SFTPA1: variants seen among roughly 807,000 people sequenced by gnomAD.
The protein encoded by SFTPA1 is surfactant protein A1.
In SFTPA1, 13 loss-of-function variants were observed where a neutral mutation model predicts 19.1. That is an observed-to-expected ratio of 0.68 (90% CI 0.44 to 1.08). The LOEUF (loss-of-function observed/expected upper bound fraction) is 1.08, where lower values mean the gene tolerates loss of function less well. Ranked by LOEUF, SFTPA1 falls within the 50% of genes least tolerant of loss-of-function variation. The pLI, the probability that SFTPA1 is intolerant of heterozygous loss-of-function variation, is 0.00. For synonymous variants in SFTPA1, 101 were observed against 117.0 expected, an observed-to-expected ratio of 0.86 and a Z score of 0.88; for missense variants, 259 against 316.4, an observed-to-expected ratio of 0.82 and a Z score of 1.38.
chr10:79,612,472 C>A (rs1267814880), intron 4 of SFTPA1, 41 bp downstream of exon 4: 1 of 1,602,402 alleles, frequency 6.2e-7, no homozygotes, highest in Admixed American at 1.7e-5. Context: ...AACATGGGCA[C>A]AGCGACCCTG....
At chr10:79,611,290 G>A (rs768092086) in intron 1 of SFTPA1, 29 bp from the exon 2 acceptor site, 8 of 316,710 alleles carry the variant, frequency 2.5e-5, no homozygotes, top group East Asian at 1.9e-4. Flanking sequence ...GCCAGGCTGC[G>A]GGCCCCGTTC....
chr10:79,613,066 G>A, intron 4 of SFTPA1, 123 bp from the exon 5 acceptor site: 1 of 1,586,730 alleles, frequency 6.3e-7, no homozygotes. Flanking sequence ...CTAGGGTCTG[G>A]GTGGCGCCTA....
rs913374270 is a variant in SFTPA1 at position 79,615,093 on chromosome 10, T to A, written c.*980T>A. ...AATAAGATACTTGTTGCTGTCACAG[T>A]TATTACCATCCCCCCAGCTACCAAA... On this transcript the variant is annotated 3_prime_UTR_variant, in exon 6 of 6. Coordinates refer to ENST00000398636, the MANE Select transcript of SFTPA1 (RefSeq NM_005411.5). 3.1e-6 allele frequency: 4 copies of A among 1,304,988 alleles called. No homozygotes were observed. The African/African-American group carries it at 4.6e-5, about 15-fold the overall frequency. 80.8% of individuals were successfully genotyped at this position (1,304,988 alleles called of 1,614,324 possible).
intron 4 of SFTPA1, 47 bp downstream of exon 4, chr10:79,612,478 C>T: frequency 6.2e-7 from 1 of 1,607,872 alleles, no homozygotes; most frequent in African/African-American, 1.3e-5. Context: ...GGCACAGCGA[C>T]CCTGAAGTCA....
intron 3 of SFTPA1, 135 bp from the exon 4 acceptor site, chr10:79,612,177 G>C: frequency 6.2e-7 from 1 of 1,600,426 alleles, no homozygotes; most frequent in Non-Finnish European, 8.5e-7. Context: ...ATCCTGGAGA[G>C]TCTGTCCTCA....
chr10:79,613,370 T>G, intron 5 of SFTPA1, 104 bp downstream of exon 5: 1 of 1,529,638 alleles, frequency 6.5e-7, no homozygotes, highest in Non-Finnish European at 9.1e-7. Flanking sequence ...GGCATGCACA[T>G]GCAGGTCTTG....
In SFTPA1 at chr10:79,613,920, C is replaced by T; in HGVS notation, c.554C>T (p.Ala185Val). ...TTCGTGAAGAAGTACAACACATATGCCTATGTAGGCCTGACTGAGGGTCCC... is the reference window on the plus strand; with the variant it reads ...TTCGTGAAGAAGTACAACACATATGTCTATGTAGGCCTGACTGAGGGTCCC... Reference protein sequence around the residue: ...ASFVKKYNTYAYVGLTEGPSP... With the variant: ...ASFVKKYNTYVYVGLTEGPSP... The change falls in exon 6 of 6, where the codon GCC becomes GTC. Residue 185 changes from alanine (A) to valine (V), a missense_variant. Ala to Val is a moderately conservative substitution (Grantham distance 64, BLOSUM62 0). Coordinates refer to ENST00000398636, the MANE Select transcript of SFTPA1 (RefSeq NM_005411.5). 6.2e-7 allele frequency: 1 copy of T among 1,614,022 alleles called. No homozygotes were observed. The highest frequency in any genetic ancestry group is 8.5e-7 in the Non-Finnish European group (1 of 1,179,892).
chr10:79,615,080 G>A lies in SFTPA1; in HGVS notation c.*967G>A. The A allele has an allele frequency of 7.7e-7, 1 of 1,305,116 alleles. No homozygotes were observed. The highest frequency in any genetic ancestry group is 1.0e-6 in the Non-Finnish European group (1 of 988,904). 80.8% of individuals were successfully genotyped at this position (1,305,116 alleles called of 1,614,324 possible). On this transcript the variant is annotated 3_prime_UTR_variant, in exon 6 of 6. Coordinates refer to ENST00000398636, the MANE Select transcript of SFTPA1 (RefSeq NM_005411.5). Reference sequence around the variant, plus strand: ...TCTGTGAAATGGGAATAAGATACTTGTTGCTGTCACAGTTATTACCATCCC... The same window carrying A: ...TCTGTGAAATGGGAATAAGATACTTATTGCTGTCACAGTTATTACCATCCC...
intron 5 of SFTPA1, 145 bp downstream of exon 5, chr10:79,613,411 T>C (rs1396193903): frequency 1.5e-6 from 2 of 1,349,136 alleles, no homozygotes; most frequent in Non-Finnish European, 2.1e-6. Context: ...TTTTCTGATG[T>C]CTTTGAATGG....
chr10:79,613,737 C>A lies in SFTPA1; in HGVS notation c.371C>A (p.Ala124Asp), dbSNP rs1319290172. The change falls in exon 6 of 6, where the codon GCC becomes GAC. Residue 124 changes from alanine to aspartate, a missense_variant and splice_region_variant. Coordinates refer to ENST00000398636, the MANE Select transcript of SFTPA1 (RefSeq NM_005411.5). ...FRHQILQTRG[A>D]LSLQGSIMTV... is the part of the protein sequence containing the mutation. ...CTGACCCGGACTCCTCTGCTCTCAG[C>A]CCTCAGTCTGCAGGGCTCCATAATG... 1.2e-6 allele frequency: 2 copies of A among 1,613,952 alleles called. No individual in the cohort carries two copies. The highest frequency in any genetic ancestry group is 1.7e-5 in the Admixed American group (1 of 60,020).
rs1281016807 is a variant in SFTPA1, at chr10:79,614,809, C to A, written c.*696C>A. 1 of 401,886 alleles carries A rather than the reference C, an allele frequency of 2.5e-6. No individual in the cohort carries two copies. Among genetic ancestry groups the A allele is most frequent in the Non-Finnish European group, 4.8e-6 (1 of 209,282 alleles). 24.9% of individuals were successfully genotyped at this position (401,886 alleles called of 1,614,324 possible). A position where few individuals can be genotyped will look rare whatever the true frequency, so the allele number is the denominator to read the frequency against. Reference sequence around the variant, plus strand: ...AGCCAGCCTAGGCCTCTAGGGTGACCTAGAGCCGCCTTCAGATGTGACCCG... The same window carrying A: ...AGCCAGCCTAGGCCTCTAGGGTGACATAGAGCCGCCTTCAGATGTGACCCG... On this transcript the variant is annotated 3_prime_UTR_variant, in exon 6 of 6. Transcript: ENST00000398636.
Position 79,613,918 on chromosome 10 carries a change from T to C in SFTPA1, c.552T>C (p.Tyr184=), listed in dbSNP as rs4253526. Residue 184 remains tyrosine (Y), a synonymous_variant, in exon 6 of 6, where the codon TAT becomes TAC. Coordinates refer to ENST00000398636, the MANE Select transcript of SFTPA1 (RefSeq NM_005411.5). ...GCTTCGTGAAGAAGTACAACACATATGCCTATGTAGGCCTGACTGAGGGTC... is the reference window on the plus strand; with the variant it reads ...GCTTCGTGAAGAAGTACAACACATACGCCTATGTAGGCCTGACTGAGGGTC... ...IASFVKKYNT[Y]AYVGLTEGPS... 30,379 of 1,613,958 alleles carry C rather than the reference T, an allele frequency of 0.019. 1,927 individuals carry two copies. The East Asian group carries it at 0.24, about 13-fold the overall frequency.
intron 1 of SFTPA1, 41 bp downstream of exon 1, chr10:79,611,023 G>A (rs1273592793): frequency 6.5e-6 from 1 of 153,740 alleles, no homozygotes; most frequent in Non-Finnish European, 1.4e-5. Flanking sequence ...CCAGCTTGAG[G>A]ATCGCAGGCA....
rs193017043 is a variant in SFTPA1 at position 79,613,014 on chromosome 10, C to T, written c.293-175C>T. Among the ~76,000 whole-genome samples the T allele has an allele frequency of 3.2e-4, 49 of 151,442 alleles. No individual in the cohort carries two copies. In the East Asian group the frequency reaches 8.6e-3, roughly 27 times the overall value. Reference sequence around the variant, plus strand: ...GGCTTCACTAAAGAATAGGGGACCACGGGGTGTGGAGACACACTGGAATCT... The same window carrying T: ...GGCTTCACTAAAGAATAGGGGACCATGGGGTGTGGAGACACACTGGAATCT... On this transcript the variant is annotated intron_variant, in intron 4 of 5. Coordinates refer to ENST00000398636, the MANE Select transcript of SFTPA1 (RefSeq NM_005411.5).
In SFTPA1 at chr10:79,612,956, G is replaced by GT. The variant is rs1859948849; in HGVS notation, c.293-233_293-232insT. Among the ~76,000 whole-genome samples, 5 of 149,692 alleles carry GT rather than the reference G, an allele frequency of 3.3e-5. No homozygotes were observed. The South Asian group carries it at 1.1e-3, about 32-fold the overall frequency. ...ACCCCTCGAGGGACAGAGCAGGAAAGAGGACAAGGGGTGGGGGTCTCAGCA... is the reference window on the plus strand; with the variant it reads ...ACCCCTCGAGGGACAGAGCAGGAAAGTAGGACAAGGGGTGGGGGTCTCAGCA... On this transcript the variant is annotated intron_variant, in intron 4 of 5. Transcript: ENST00000398636.
In SFTPA1 at chr10:79,614,620, C is replaced by G. The variant is rs1860060896; in HGVS notation, c.*507C>G. Reference sequence around the variant, plus strand: ...GAGCTAAGGACACAGTGGAGATTCTCTGGCACTCTGAGGTCTCTGTGGCAG... The same window carrying G: ...GAGCTAAGGACACAGTGGAGATTCTGTGGCACTCTGAGGTCTCTGTGGCAG... On this transcript the variant is annotated 3_prime_UTR_variant, in exon 6 of 6. Transcript: ENST00000398636. 4.0e-6 allele frequency: 1 copy of G among 250,770 alleles called. No homozygotes were observed. Among genetic ancestry groups the G allele is most frequent in the Admixed American group, 5.1e-5 (1 of 19,612 alleles). The allele number at this position is 250,770 out of a possible 1,614,324, so 15.5% of individuals were successfully genotyped here.
chr10:79,613,886 A>G lies in SFTPA1; in HGVS notation c.520A>G (p.Ile174Val). The change falls in exon 6 of 6, where the codon ATT becomes GTT. Residue 174 changes from isoleucine (I) to valine (V), a missense_variant. Ile to Val is a conservative substitution (Grantham distance 29). Transcript: ENST00000398636. The part of the protein sequence containing the change: ...VPRNPEENEA[I>V]ASFVKKYNTY... ...AAGGAATCCAGAGGAAAATGAGGCC[A>G]TTGCAAGCTTCGTGAAGAAGTACAA... 6.2e-7 allele frequency: 1 copy of G among 1,613,992 alleles called. No individual in the cohort carries two copies. The highest frequency in any genetic ancestry group is 8.5e-7 in the Non-Finnish European group (1 of 1,179,864).
Position 79,614,195 on chromosome 10 carries a change from C to T in SFTPA1, c.*82C>T, listed in dbSNP as rs960220131. 7 of 1,608,786 alleles carry T rather than the reference C, an allele frequency of 4.4e-6. No individual in the cohort carries two copies. The African/African-American group carries it at 8.0e-5, about 18-fold the overall frequency. On this transcript the variant is annotated 3_prime_UTR_variant, in exon 6 of 6. Coordinates refer to ENST00000398636, the MANE Select transcript of SFTPA1 (RefSeq NM_005411.5). ...GAGGCTCCACTTGGTCTGTGAGATGCTAGAACTCCCTTTCAACAGAATTCA... is the reference window on the plus strand; with the variant it reads ...GAGGCTCCACTTGGTCTGTGAGATGTTAGAACTCCCTTTCAACAGAATTCA...
intron 4 of SFTPA1, among the ~76,000 whole-genome samples, chr10:79,612,777 A>G (rs890219154): frequency 6.6e-6 from 1 of 152,116 alleles, no homozygotes; most frequent in Admixed American, 6.5e-5. Flanking sequence ...CGAGGCATCC[A>G]GACAGACGGT....
Sources: gnomAD v4.1 joint callset for allele counts (sites outside exome capture counted in the v4.1 genomes callset) on GRCh38, gnomAD v4.1.1 for gene constraint, MANE v1.5 for transcripts, NCBI Gene and HGNC (gene_info 2026-07-23, HGNC 2026-07-21) for gene names.